ATP11A: variants seen among roughly 807,000 people sequenced by gnomAD.
ATP11A encodes the protein phospholipid-transporting ATPase IH.
ATP11A carries 81 observed loss-of-function variants against 154.4 expected under a neutral mutation model. That is an observed-to-expected ratio of 0.52 (90% CI 0.44 to 0.63). The LOEUF is 0.63. ATP11A is among the 30% of genes least tolerant of loss of function. The probability of loss-of-function intolerance (pLI) is 0.00; values close to 1 mark genes in which losing one functional copy is unlikely to be tolerated. For missense variants in ATP11A, 1,316 were observed against 1,474.3 expected, an observed-to-expected ratio of 0.89 and a Z score of 1.76; for synonymous variants, 623 against 585.9, an observed-to-expected ratio of 1.06 and a Z score of -0.91.
At position 112,854,605 on chromosome 13, in the gene ATP11A, A is replaced by G. The variant is rs9603967; in HGVS notation, c.2243+75A>G. On this transcript the variant is annotated intron_variant, in intron 19 of 29. Transcript: ENST00000375645. ...TCAGACCCAGTGGCCTTCACCTGCA[A>G]GTCGGGGAGCCGCATTGTCTCTACT... The G allele has an allele frequency of 5.6e-4, 842 of 1,512,210 alleles. 4 individuals are homozygous for G. In the African/African-American group the frequency reaches 0.011, roughly 19 times the overall value. 93.7% of individuals were successfully genotyped at this position (1,512,210 alleles called of 1,614,324 possible).
chr13:112,796,874 C>T (rs1355108050), intron 2 of ATP11A, among the ~76,000 whole-genome samples: 1 of 152,000 alleles, frequency 6.6e-6, no homozygotes, highest in Non-Finnish European at 1.5e-5. Flanking sequence ...GCAAAGGACC[C>T]GTGACCTTGA....
intron 1 of ATP11A, among the ~76,000 whole-genome samples, chr13:112,784,573 G>A (rs1230362573): frequency 6.6e-6 from 1 of 150,882 alleles, no homozygotes; most frequent in Non-Finnish European, 1.5e-5. Flanking sequence ...CCCCAGGCTG[G>A]AGTGCAGTGG....
rs566687323 is a variant in ATP11A, at chr13:112,882,530, G to A, written c.*664G>A. ...GTCACTCGGATACCATCATCCCTGCGGATGCACCGCCGTACCCTGCTCATC... is the reference window on the plus strand; with the variant it reads ...GTCACTCGGATACCATCATCCCTGCAGATGCACCGCCGTACCCTGCTCATC... On this transcript the variant is annotated 3_prime_UTR_variant, in exon 30 of 30. Coordinates refer to ENST00000375645, the MANE Select transcript of ATP11A (RefSeq NM_015205.3). The surrounding 1 kb of genome is among the most constrained non-coding windows in gnomAD (Gnocchi z 5.1). The A allele has an allele frequency of 8.4e-5, 38 of 453,986 alleles. No individual in the cohort carries two copies. Among genetic ancestry groups the A allele is most frequent in the East Asian group, 3.6e-4 (11 of 30,324 alleles). 28.1% of individuals were successfully genotyped at this position (453,986 alleles called of 1,614,324 possible).
rs964740107 is a variant in ATP11A at position 112,762,433 on chromosome 13, A to AT, written c.40-22701dup. ...GCAGGCCTTTGTGAGAACTGTCTCT[A>AT]TGGGCCCCCGAGACTGCTGTGCGCC... On this transcript the variant is annotated intron_variant, in intron 1 of 29. Transcript: ENST00000375645. Among the ~76,000 whole-genome samples, 40 of 152,226 alleles carry AT rather than the reference A, an allele frequency of 2.6e-4. No homozygotes were observed. The Middle Eastern group carries it at 0.01, about 39-fold the overall frequency.
chr13:112,810,427 C>T (rs1001868395), intron 4 of ATP11A, among the ~76,000 whole-genome samples, 192 bp from the exon 5 acceptor site: 3 of 152,204 alleles, frequency 2.0e-5, no homozygotes, highest in East Asian at 3.9e-4. Flanking sequence ...AAGCAGCTCG[C>T]GTTGCCATGG....
chr13:112,736,635 T>C (rs1891028084), intron 1 of ATP11A, among the ~76,000 whole-genome samples: 1 of 152,234 alleles, frequency 6.6e-6, no homozygotes, highest in Non-Finnish European at 1.5e-5. Flanking sequence ...CAGAATTATA[T>C]TTATAATACA....
intron 6 of ATP11A, among the ~76,000 whole-genome samples, chr13:112,817,696 C>T (rs1369557020): frequency 6.6e-6 from 1 of 152,240 alleles, no homozygotes; most frequent in Non-Finnish European, 1.5e-5. Flanking sequence ...TCTCCAGATA[C>T]ACCATGTTTG....
intron 3 of ATP11A, among the ~76,000 whole-genome samples, chr13:112,805,695 A>T (rs1049375832): frequency 6.6e-6 from 1 of 151,388 alleles, no homozygotes; most frequent in African/African-American, 2.4e-5. Flanking sequence ...AAAAAGAGAA[A>T]GAAAAAGAAA....
At position 112,859,205 on chromosome 13, in the gene ATP11A, A is replaced by T. The variant is rs985358867; in HGVS notation, c.2668-188A>T. On this transcript the variant is annotated intron_variant, in intron 22 of 29. Coordinates refer to ENST00000375645, the MANE Select transcript of ATP11A (RefSeq NM_015205.3). The surrounding 1 kb of genome is among the most constrained non-coding windows in gnomAD (Gnocchi z 4.3). ...ACGTTGTCTGTCCTGAGTGGCCAAA[A>T]CGTGGTCACATGTGCATTTCAGTTG... 1.6e-6 allele frequency: 1 copy of T among 611,774 alleles called. No individual in the cohort carries two copies. Among genetic ancestry groups the T allele is most frequent in the Admixed American group, 2.6e-5 (1 of 38,222 alleles). 37.9% of individuals were successfully genotyped at this position (611,774 alleles called of 1,614,324 possible).
At chr13:112,824,683 C>G (rs946888900) in intron 10 of ATP11A, among the ~76,000 whole-genome samples, 16 of 152,190 alleles carry the variant, frequency 1.1e-4, no homozygotes, top group African/African-American at 3.9e-4. Flanking sequence ...CGTTCCGGTT[C>G]TGAAATCAGT....
At position 112,881,457 on chromosome 13, in the gene ATP11A, G is replaced by C. The variant is rs59110136; in HGVS notation, c.*10-419G>C. 2.0e-5 allele frequency: 21 copies of C among 1,068,830 alleles called. No homozygotes were observed. The South Asian group carries it at 6.1e-4, about 31-fold the overall frequency. 66.2% of individuals were successfully genotyped at this position (1,068,830 alleles called of 1,614,324 possible). A position where few individuals can be genotyped will look rare whatever the true frequency, so the allele number is the denominator to read the frequency against. Reference sequence around the variant, plus strand: ...GTCTCTGGGTACCGGTATGGCGTTCGAGCTCACTGCACAGGAAGCCAGCTA... The same window carrying C: ...GTCTCTGGGTACCGGTATGGCGTTCCAGCTCACTGCACAGGAAGCCAGCTA... On this transcript the variant is annotated intron_variant, in intron 29 of 29. Coordinates refer to ENST00000375645, the MANE Select transcript of ATP11A (RefSeq NM_015205.3).
chr13:112,760,690 A>G (rs2076942918), intron 1 of ATP11A, among the ~76,000 whole-genome samples: 1 of 152,208 alleles, frequency 6.6e-6, no homozygotes, highest in Non-Finnish European at 1.5e-5. Flanking sequence ...GCGTAAATAT[A>G]ATTACACTGT....
At chr13:112,780,377 G>A (rs902926151) in intron 1 of ATP11A, among the ~76,000 whole-genome samples, 2 of 151,834 alleles carry the variant, frequency 1.3e-5, no homozygotes, top group African/African-American at 4.9e-5. Flanking sequence ...CCCAGCCCCC[G>A]GCAGCCCCCG....
intron 25 of ATP11A, among the ~76,000 whole-genome samples, chr13:112,869,658 C>T (rs1010038192): frequency 6.6e-6 from 1 of 152,150 alleles, no homozygotes. Flanking sequence ...TCCTCCAGGC[C>T]CAGCTGATGT....
intron 1 of ATP11A, among the ~76,000 whole-genome samples, chr13:112,735,695 A>G (rs1890927814): frequency 6.6e-6 from 1 of 152,180 alleles, no homozygotes; most frequent in South Asian, 2.1e-4. Flanking sequence ...AGAATCCTGC[A>G]CCGTGCATCC....
At chr13:112,815,060 C>G (rs1384912713) in intron 5 of ATP11A, among the ~76,000 whole-genome samples, 1 of 152,240 alleles carries the variant, frequency 6.6e-6, no homozygotes, top group Non-Finnish European at 1.5e-5. Flanking sequence ...CTGATCCTGG[C>G]ATGCCTCCCG....
intron 20 of ATP11A, 65 bp downstream of exon 20, chr13:112,856,150 A>G: frequency 6.7e-7 from 1 of 1,483,664 alleles, no homozygotes. Flanking sequence ...ACCTTCCGTT[A>G]GGTCTCACCG....
intron 4 of ATP11A, 95 bp from the exon 5 acceptor site, chr13:112,810,524 A>T: frequency 9.9e-7 from 1 of 1,012,162 alleles, no homozygotes; most frequent in Non-Finnish European, 1.5e-6. Context: ...TTATGCTTAG[A>T]CATAATTAAA....
Position 112,882,313 on chromosome 13 carries a change from A to T in ATP11A, c.*447A>T. 2.6e-6 allele frequency: 1 copy of T among 389,588 alleles called. No individual in the cohort carries two copies. Among genetic ancestry groups the T allele is most frequent in the South Asian group, 2.2e-5 (1 of 46,402 alleles). 24.1% of individuals were successfully genotyped at this position (389,588 alleles called of 1,614,324 possible). Reference sequence around the variant, plus strand: ...AGGCCTGTGTCTTCACCCACCTGCCATCATTGGCCTTTGCTGTCACTGGGA... The same window carrying T: ...AGGCCTGTGTCTTCACCCACCTGCCTTCATTGGCCTTTGCTGTCACTGGGA... On this transcript the variant is annotated 3_prime_UTR_variant, in exon 30 of 30. Transcript: ENST00000375645. This position sits in a 1 kb window ranked among gnomAD's most constrained non-coding sequence, Gnocchi z 5.1.
Sources: gnomAD v4.1 joint callset for allele counts (sites outside exome capture counted in the v4.1 genomes callset) on GRCh38, gnomAD v4.1.1 for gene constraint, Gnocchi (gnomAD v3.1) non-coding constraint, MANE v1.5 for transcripts, NCBI Gene and HGNC (gene_info 2026-07-23, HGNC 2026-07-21) for gene names.